The following CELF1 variants were observed in gnomAD, a reference collection of about 807,000 sequenced individuals.
CELF1 encodes 50 kDa nuclear polyadenylated RNA-binding protein.
Under a neutral mutation model 61.8 loss-of-function variants are expected in CELF1, and 10 were observed. The observed-to-expected ratio is 0.16, with a 90% CI of 0.10 to 0.27. The LOEUF (loss-of-function observed/expected upper bound fraction) is 0.27. CELF1 is among the 10% of genes least tolerant of loss of function. The pLI, the probability that CELF1 is intolerant of heterozygous loss-of-function variation, is 1.00. For synonymous variants in CELF1, 236 were observed against 225.1 expected (o/e 1.05, Z -0.43); for missense variants, 380 against 639.1 (o/e 0.59, Z 4.37).
intron 1 of CELF1, among the ~76,000 whole-genome samples, chr11:47,547,082 A>AG (rs1219825012): frequency 2.7e-5 from 4 of 150,040 alleles, no homozygotes; most frequent in African/African-American, 4.9e-5. Flanking sequence ...AAAAAAAAAA[A>AG]AAAAAAAAAA....
rs1168178588 is a variant in CELF1, at chr11:47,468,672, C to T, written c.*3558G>A. 6 of 145,754 alleles carry T rather than the reference C, an allele frequency of 4.1e-5. No homozygotes were observed. The Admixed American group carries it at 4.1e-4, about 10-fold the overall frequency. 9.0% of individuals were successfully genotyped at this position (145,754 alleles called of 1,614,324 possible). ...CCTTCAGCAGTCGTTCTAGCAAAACCAATTTGGCAGCACAAAAGGAAAAAA... is the reference window on the plus strand; with the variant it reads ...CCTTCAGCAGTCGTTCTAGCAAAACTAATTTGGCAGCACAAAAGGAAAAAA... On this transcript the variant is annotated 3_prime_UTR_variant, in exon 15 of 15. Coordinates refer to ENST00000687097, the MANE Select transcript of CELF1 (RefSeq NM_001376376.1).
chr11:47,536,560 G>A (rs959586793), intron 1 of CELF1, among the ~76,000 whole-genome samples: 1 of 152,064 alleles, frequency 6.6e-6, no homozygotes, highest in African/African-American at 2.4e-5. Flanking sequence ...GGTGGAGTTG[G>A]AGGTCAGCCT....
At chr11:47,502,632 A>G (rs1314925275) in intron 1 of CELF1, among the ~76,000 whole-genome samples, 1 of 152,080 alleles carries the variant, frequency 6.6e-6, no homozygotes, top group East Asian at 1.9e-4. Flanking sequence ...GGAGATCGAG[A>G]CCATCCTGGC....
chr11:47,483,838 A>G (rs1378170764), intron 7 of CELF1, among the ~76,000 whole-genome samples: 2 of 152,262 alleles, frequency 1.3e-5, no homozygotes, highest in Non-Finnish European at 2.9e-5. Context: ...GCAAAGCACC[A>G]AAAGAGAAAA....
intron 1 of CELF1, among the ~76,000 whole-genome samples, chr11:47,528,408 A>C (rs2096336466): frequency 6.6e-6 from 1 of 152,156 alleles, no homozygotes; most frequent in Non-Finnish European, 1.5e-5. Flanking sequence ...TTTCAGTTTA[A>C]GGACTCAAGA....
At chr11:47,495,887 T>A (rs1302719661) in intron 3 of CELF1, 2 of 606,848 alleles carry the variant, frequency 3.3e-6, no homozygotes, top group Non-Finnish European at 4.1e-6. Context: ...TCCCCCTTTC[T>A]CATTACCTGT....
At chr11:47,480,144 A>G (rs973367152) in intron 9 of CELF1, among the ~76,000 whole-genome samples, 3 of 150,152 alleles carry the variant, frequency 2.0e-5, no homozygotes, top group Non-Finnish European at 4.4e-5. Context: ...GCTGGAGTAC[A>G]ATGGTGATCT....
At chr11:47,507,736 A>G (rs1389265587) in intron 1 of CELF1, among the ~76,000 whole-genome samples, 1 of 152,220 alleles carries the variant, frequency 6.6e-6, no homozygotes, top group Non-Finnish European at 1.5e-5. Context: ...AGCCAGACCC[A>G]GAACTAACTA....
chr11:47,553,799 A>G (rs1372737713), upstream of CELF1, among the ~76,000 whole-genome samples: 1 of 125,060 alleles, frequency 8.0e-6, no homozygotes, highest in Non-Finnish European at 1.9e-5. Context: ...CTTTTACCGA[A>G]AAAAAAATAT....
In CELF1 at chr11:47,504,563, C is replaced by A. The variant is rs879567582; in HGVS notation, c.-153-3631G>T. Among the ~76,000 whole-genome samples the A allele has an allele frequency of 1.1e-3, 155 of 141,272 alleles. 1 individual carries two copies. The highest frequency in any genetic ancestry group is 3.9e-3 in the Middle Eastern group (1 of 258). 92.7% of individuals were successfully genotyped at this position (141,272 alleles called of 152,430 possible). On this transcript the variant is annotated intron_variant, in intron 1 of 14. Transcript: ENST00000687097. ...CACTACACTCCAGCATGGGCAACAG[C>A]GTGAGACCCTGCCTTACAAAACAAA...
chr11:47,516,444 T>C (rs2095556631), intron 1 of CELF1, among the ~76,000 whole-genome samples: 1 of 152,148 alleles, frequency 6.6e-6, no homozygotes, highest in South Asian at 2.1e-4. Context: ...ATAATAGCAA[T>C]AATGGTTGCT....
rs566050500 is a variant in CELF1, at chr11:47,509,065, C to T, written c.-153-8133G>A. 2.6e-5 allele frequency among the ~76,000 whole-genome samples: 4 copies of T among 152,214 alleles called. No individual in the cohort carries two copies. The South Asian group carries it at 6.2e-4, about 24-fold the overall frequency. On this transcript the variant is annotated intron_variant, in intron 1 of 14. Transcript: ENST00000687097. Reference sequence around the variant, plus strand: ...ATTATAGGGGGTGAGCCACCGTGCCCGGCCTCAAAAAAGTTATATTTTTTT... The same window carrying T: ...ATTATAGGGGGTGAGCCACCGTGCCTGGCCTCAAAAAAGTTATATTTTTTT...
At chr11:47,503,508 T>C (rs960912839) in intron 1 of CELF1, among the ~76,000 whole-genome samples, 1 of 152,178 alleles carries the variant, frequency 6.6e-6, no homozygotes, top group Non-Finnish European at 1.5e-5. Flanking sequence ...AGGGAATCAA[T>C]GTCATTAAAA....
Position 47,472,027 on chromosome 11 carries a change from A to T in CELF1, c.*203T>A. The stretch of plus-strand genomic sequence containing the variant: ...ACTCCAAAGTAAAACACTGGAAACC[A>T]AAGCACAAACTTGTCCTCTGTACGA... On this transcript the variant is annotated 3_prime_UTR_variant, in exon 15 of 15. Coordinates refer to ENST00000687097, the MANE Select transcript of CELF1 (RefSeq NM_001376376.1). 1.8e-6 allele frequency: 1 copy of T among 563,632 alleles called. No individual in the cohort carries two copies. Among genetic ancestry groups the T allele is most frequent in the Non-Finnish European group, 3.1e-6 (1 of 321,902 alleles). The allele number at this position is 563,632 out of a possible 1,614,324, so 34.9% of individuals were successfully genotyped here.
Position 47,466,802 on chromosome 11 carries a change from G to GA in CELF1, c.*5427dup, listed in dbSNP as rs1233439422. 1 of 152,220 alleles carries GA rather than the reference G, an allele frequency of 6.6e-6. No individual in the cohort carries two copies. Among genetic ancestry groups the GA allele is most frequent in the Non-Finnish European group, 1.5e-5 (1 of 68,048 alleles). The allele number at this position is 152,220 out of a possible 1,614,324, so 9.4% of individuals were successfully genotyped here. A position where few individuals can be genotyped will look rare whatever the true frequency, so the allele number is the denominator to read the frequency against. ...GCAAACACTGCTTCTCAATACACAG[G>GA]AAGGGGAGCCTCAGTGCCTCCTGCC... is the stretch of plus-strand genomic sequence containing the variant. On this transcript the variant is annotated 3_prime_UTR_variant, in exon 15 of 15. Transcript: ENST00000687097.
At chr11:47,479,925 T>C (rs2082033672) in intron 9 of CELF1, among the ~76,000 whole-genome samples, 1 of 151,616 alleles carries the variant, frequency 6.6e-6, no homozygotes, top group African/African-American at 2.4e-5. Flanking sequence ...GGGGAAAAAA[T>C]GCACCTATAC....
chr11:47,553,372 G>A (rs971538872), upstream of CELF1, among the ~76,000 whole-genome samples: 9 of 152,212 alleles, frequency 5.9e-5, no homozygotes, highest in African/African-American at 2.2e-4. Flanking sequence ...GGGAGCTGCA[G>A]GGGCGCATCT....
At chr11:47,495,180 A>G (rs891429485) in intron 3 of CELF1, among the ~76,000 whole-genome samples, 1 of 152,268 alleles carries the variant, frequency 6.6e-6, no homozygotes, top group Non-Finnish European at 1.5e-5. Flanking sequence ...AACTAGAGAT[A>G]GCATGGGTTA....
upstream of CELF1, among the ~76,000 whole-genome samples, chr11:47,555,251 T>TTA (rs1233502542): frequency 1.3e-5 from 2 of 152,368 alleles, no homozygotes; most frequent in East Asian, 3.9e-4. Flanking sequence ...GCCCGTCTTA[T>TTA]TATATCTCCA....
Sources: gnomAD v4.1 joint callset for allele counts (sites outside exome capture counted in the v4.1 genomes callset) on GRCh38, gnomAD v4.1.1 for gene constraint, MANE v1.5 for transcripts, NCBI Gene and HGNC (gene_info 2026-07-23, HGNC 2026-07-21) for gene names.